Variants in PTPRG observed in about 807,000 individuals in gnomAD.
The protein encoded by PTPRG is receptor-type tyrosine-protein phosphatase gamma.
Under a neutral mutation model 165.3 loss-of-function variants are expected in PTPRG, and 102 were observed. The ratio of observed to expected loss-of-function variants is 0.62; its 90% confidence interval spans 0.53 to 0.73. The LOEUF is 0.73. PTPRG is among the 30% of genes least tolerant of loss of function. The pLI, the probability that PTPRG is intolerant of heterozygous loss-of-function variation, is 0.00. For missense variants in PTPRG, 1,866 were observed against 1,861.4 expected, an observed-to-expected ratio of 1.00 and a Z score of -0.05; for synonymous variants, 675 against 669.5, an observed-to-expected ratio of 1.01 and a Z score of -0.13.
intron 4 of PTPRG, among the ~76,000 whole-genome samples, chr3:62,031,032 T>A (rs1172569563): frequency 1.3e-5 from 2 of 152,224 alleles, no homozygotes; most frequent in Non-Finnish European, 2.9e-5. Flanking sequence ...ATAGAACCTT[T>A]ATGGCTGGGA....
At position 62,088,950 on chromosome 3, in the gene PTPRG, G is replaced by T. The variant is rs539597635; in HGVS notation, c.615+10692G>T. ...TGGCCATCTAGGCATTGAGGGCCAG[G>T]ATTATTAACCATCTTTAACTGTATG... On this transcript the variant is annotated intron_variant, in intron 5 of 29. Coordinates refer to ENST00000474889, the MANE Select transcript of PTPRG (RefSeq NM_002841.4). Among the ~76,000 whole-genome samples the T allele has an allele frequency of 5.3e-5, 8 of 152,316 alleles. No individual in the cohort carries two copies. In the South Asian group the frequency reaches 6.2e-4, roughly 12 times the overall value.
chr3:62,221,137 G>C (rs912678699), intron 13 of PTPRG, among the ~76,000 whole-genome samples: 3 of 152,180 alleles, frequency 2.0e-5, no homozygotes, highest in Admixed American at 1.3e-4. Flanking sequence ...AATGACAACT[G>C]TTTATACTTC....
intron 10 of PTPRG, among the ~76,000 whole-genome samples, chr3:62,199,789 A>C (rs956902067): frequency 6.6e-6 from 1 of 152,194 alleles, no homozygotes; most frequent in Non-Finnish European, 1.5e-5. Flanking sequence ...AGTTTGATGG[A>C]GTTTTTAAAA....
intron 1 of PTPRG, among the ~76,000 whole-genome samples, chr3:61,737,666 C>T (rs1438502720): frequency 6.6e-6 from 1 of 152,044 alleles, no homozygotes; most frequent in Non-Finnish European, 1.5e-5. Flanking sequence ...AGGTCCACCC[C>T]CTTCATGATA....
At chr3:61,840,748 A>G (rs2036603445) in intron 2 of PTPRG, among the ~76,000 whole-genome samples, 1 of 151,332 alleles carries the variant, frequency 6.6e-6, no homozygotes, top group Non-Finnish European at 1.5e-5. Context: ...TATAGGATAC[A>G]GAAAATTTCA....
At chr3:61,997,703 A>T (rs2041073882) in intron 3 of PTPRG, among the ~76,000 whole-genome samples, 1 of 152,194 alleles carries the variant, frequency 6.6e-6, no homozygotes, top group African/African-American at 2.4e-5. Flanking sequence ...TAAGGGCAAG[A>T]GTTGTGTCTG....
Position 61,974,095 on chromosome 3 carries a change from C to T in PTPRG, c.191-15530C>T, listed in dbSNP as rs563349182. 4.6e-5 allele frequency among the ~76,000 whole-genome samples: 7 copies of T among 152,210 alleles called. No individual in the cohort carries two copies. The East Asian group carries it at 9.7e-4, about 21-fold the overall frequency. On this transcript the variant is annotated intron_variant, in intron 2 of 29. Coordinates refer to ENST00000474889, the MANE Select transcript of PTPRG (RefSeq NM_002841.4). ...CTTTTCATTTCCAGTAAACAAGTTA[C>T]TGTGATGCCTCATGACTGTCTTTTT...
chr3:62,101,265 G>A (rs1436838408), intron 5 of PTPRG, among the ~76,000 whole-genome samples: 7 of 152,086 alleles, frequency 4.6e-5, no homozygotes, highest in Non-Finnish European at 7.4e-5. Context: ...ATTGCATCAC[G>A]AGATGCAGCA....
chr3:61,848,669 A>G (rs2036873619), intron 2 of PTPRG, among the ~76,000 whole-genome samples: 1 of 152,194 alleles, frequency 6.6e-6, no homozygotes, highest in African/African-American at 2.4e-5. Context: ...CATGGAATAT[A>G]AAGACTTGCT....
At chr3:62,038,933 C>T (rs1257275017) in intron 4 of PTPRG, among the ~76,000 whole-genome samples, 1 of 151,886 alleles carries the variant, frequency 6.6e-6, no homozygotes, top group Non-Finnish European at 1.5e-5. Context: ...TTTTCCTGAT[C>T]GGAGAGAGAT....
At chr3:62,267,287 A>C in intron 17 of PTPRG, 123 bp from the exon 18 acceptor site, 2 of 726,782 alleles carry the variant, frequency 2.8e-6, no homozygotes, top group Non-Finnish European at 4.6e-6. Flanking sequence ...TGTTCTGCCA[A>C]AAGTTTTCTC....
At position 61,584,916 on chromosome 3, in the gene PTPRG, A is replaced by G. The variant is rs142708917; in HGVS notation, c.85+22544A>G. Among the ~76,000 whole-genome samples the G allele has an allele frequency of 1.3e-3, 197 of 152,346 alleles. 1 individual carries two copies. The highest frequency in any genetic ancestry group is 4.5e-3 in the African/African-American group (186 of 41,580). On this transcript the variant is annotated intron_variant, in intron 1 of 29. Transcript: ENST00000474889. ...CTGCTCTGTGTTTGAATGGGATGTC[A>G]TTCTAATCTCCACGTTTCTTCATAA... is the stretch of plus-strand genomic sequence containing the variant.
chr3:62,048,499 T>C (rs886550168), intron 4 of PTPRG, among the ~76,000 whole-genome samples: 2 of 152,260 alleles, frequency 1.3e-5, no homozygotes, highest in Admixed American at 6.5e-5. Flanking sequence ...CTGCAATCGC[T>C]ATGTGTACCT....
At chr3:61,732,038 A>C (rs1455320833) in intron 1 of PTPRG, among the ~76,000 whole-genome samples, 1 of 151,876 alleles carries the variant, frequency 6.6e-6, no homozygotes, top group Non-Finnish European at 1.5e-5. Flanking sequence ...TCTTGACCTC[A>C]GGTGATCCAC....
intron 2 of PTPRG, among the ~76,000 whole-genome samples, chr3:61,841,022 T>C (rs1375715371): frequency 1.3e-5 from 2 of 152,100 alleles, no homozygotes; most frequent in African/African-American, 4.8e-5. Context: ...CCTCAAGTGA[T>C]CCACTGGCCT....
chr3:61,955,461 C>T (rs1006368784), intron 2 of PTPRG, among the ~76,000 whole-genome samples: 6 of 152,054 alleles, frequency 3.9e-5, no homozygotes, highest in Admixed American at 2.6e-4. Context: ...TTGGACTTAG[C>T]GAAAATGTGT....
Position 61,767,354 on chromosome 3 carries a change from T to C in PTPRG, c.190+18372T>C, listed in dbSNP as rs143495405. Among the ~76,000 whole-genome samples the C allele has an allele frequency of 2.1e-4, 32 of 152,244 alleles. No homozygotes were observed. In the East Asian group the frequency reaches 4.6e-3, roughly 22 times the overall value. The stretch of plus-strand genomic sequence containing the variant: ...ACTCTCATTTTGTTTTTGCTTATTC[T>C]AGTACATGATGATTTCCTTGTAGTA... On this transcript the variant is annotated intron_variant, in intron 2 of 29. Coordinates refer to ENST00000474889, the MANE Select transcript of PTPRG (RefSeq NM_002841.4).
chr3:61,827,736 A>G (rs2036152456), intron 2 of PTPRG, among the ~76,000 whole-genome samples: 1 of 152,250 alleles, frequency 6.6e-6, no homozygotes, highest in African/African-American at 2.4e-5. Flanking sequence ...AGCATGATAT[A>G]CATTTTAATA....
intron 4 of PTPRG, among the ~76,000 whole-genome samples, chr3:62,021,766 C>A (rs200711342): frequency 6.6e-6 from 1 of 151,790 alleles, no homozygotes; most frequent in Admixed American, 6.6e-5. Flanking sequence ...CTTTCTCTCA[C>A]CAGAATGCAA....
Sources: gnomAD v4.1 joint callset for allele counts (sites outside exome capture counted in the v4.1 genomes callset) on GRCh38, gnomAD v4.1.1 for gene constraint, MANE v1.5 for transcripts, NCBI Gene and HGNC (gene_info 2026-07-23, HGNC 2026-07-21) for gene names.